RBM47: variants seen among roughly 807,000 people sequenced by gnomAD.
RBM47 encodes RNA binding motif protein 47.
Under a neutral mutation model 47.1 loss-of-function variants are expected in RBM47, and 21 were observed. That is an observed-to-expected ratio of 0.45 (90% confidence interval 0.32 to 0.64). The LOEUF is 0.64. RBM47 is among the 30% of genes least tolerant of loss of function. The probability of loss-of-function intolerance (pLI) is 0.05; values close to 1 mark genes in which losing one functional copy is unlikely to be tolerated. For missense variants in RBM47, 708 were observed against 870.9 expected (o/e 0.81, Z 2.35); for synonymous variants, 375 against 361.7 (o/e 1.04, Z -0.42).
chr4:40,439,510 G>T (rs1713297836), intron 3 of RBM47, among the ~76,000 whole-genome samples: 2 of 152,138 alleles, frequency 1.3e-5, no homozygotes, highest in South Asian at 4.1e-4. Flanking sequence ...CTTGGTCCAG[G>T]AACTGTAATA....
intron 2 of RBM47, among the ~76,000 whole-genome samples, chr4:40,491,142 C>T (rs1326992223): frequency 2.0e-5 from 3 of 151,978 alleles, no homozygotes; most frequent in Non-Finnish European, 2.9e-5. Flanking sequence ...ACAATAGATT[C>T]GAAATGAGAG....
intron 1 of RBM47, among the ~76,000 whole-genome samples, chr4:40,597,607 T>C (rs1306197713): frequency 6.6e-6 from 1 of 152,220 alleles, no homozygotes; most frequent in East Asian, 1.9e-4. Context: ...TAAATATTTA[T>C]ATATTCATAT....
chr4:40,503,029 T>C (rs1364698268), intron 2 of RBM47, among the ~76,000 whole-genome samples: 1 of 150,448 alleles, frequency 6.6e-6, no homozygotes, highest in Non-Finnish European at 1.5e-5. Flanking sequence ...AACAGTTGAA[T>C]TTGTTAAGCC....
chr4:40,579,769 A>C (rs1732706505), intron 1 of RBM47, among the ~76,000 whole-genome samples: 1 of 148,772 alleles, frequency 6.7e-6, no homozygotes, highest in Non-Finnish European at 1.5e-5. Flanking sequence ...TTTTTTTGAG[A>C]CTAGGTCTCA....
At chr4:40,536,542 C>G (rs1727998833) in intron 2 of RBM47, among the ~76,000 whole-genome samples, 1 of 152,198 alleles carries the variant, frequency 6.6e-6, no homozygotes, top group Non-Finnish European at 1.5e-5. Context: ...GACACATACA[C>G]TTTGTTGATG....
intron 2 of RBM47, among the ~76,000 whole-genome samples, chr4:40,521,329 T>C (rs1288157387): frequency 6.6e-6 from 1 of 152,064 alleles, no homozygotes; most frequent in Non-Finnish European, 1.5e-5. Context: ...GCCTCCCAAG[T>C]AGCTGGGATT....
chr4:40,623,789 G>A (rs1737481375), intron 1 of RBM47, among the ~76,000 whole-genome samples: 1 of 151,970 alleles, frequency 6.6e-6, no homozygotes, highest in African/African-American at 2.4e-5. Context: ...TTGCTTATTG[G>A]CAACTCTCAG....
At position 40,426,150 on chromosome 4, in the gene RBM47, A is replaced by G; in HGVS notation, c.1543-7T>C. 1 of 1,612,406 alleles carries G rather than the reference A, an allele frequency of 6.2e-7. No individual in the cohort carries two copies. The highest frequency in any genetic ancestry group is 8.5e-7 in the Non-Finnish European group (1 of 1,178,924). ...CTGGAGTTATTGGGCGGCCCTGAGG[A>G]GAAGAGACAAAAAGGAGCCTTCCTG... On this transcript the variant is annotated splice_region_variant and splice_polypyrimidine_tract_variant and intron_variant, in intron 6 of 6. Coordinates refer to ENST00000295971, the MANE Select transcript of RBM47 (RefSeq NM_001098634.2).
At chr4:40,445,101 C>T (rs1310995381) in intron 3 of RBM47, among the ~76,000 whole-genome samples, 1 of 151,854 alleles carries the variant, frequency 6.6e-6, no homozygotes, top group African/African-American at 2.4e-5. Flanking sequence ...GGTGAAACCC[C>T]ATCTCTACTA....
At chr4:40,539,160 T>C (rs922148069) in intron 2 of RBM47, among the ~76,000 whole-genome samples, 3 of 151,988 alleles carry the variant, frequency 2.0e-5, no homozygotes, top group African/African-American at 7.2e-5. Context: ...TAATGTGTAA[T>C]GGAAAAAAAA....
intron 1 of RBM47, among the ~76,000 whole-genome samples, chr4:40,581,308 G>T (rs939213952): frequency 6.6e-6 from 1 of 151,916 alleles, no homozygotes; most frequent in African/African-American, 2.4e-5. Flanking sequence ...TGTAGTCCCA[G>T]CTACTCGAGA....
At chr4:40,439,014 A>G in intron 3 of RBM47, 90 bp from the exon 4 acceptor site, 1 of 1,135,182 alleles carries the variant, frequency 8.8e-7, no homozygotes, top group South Asian at 1.6e-5. Context: ...ATGCATTAAT[A>G]GGCCACGGGG....
chr4:40,546,118 T>C (rs1729017116), intron 1 of RBM47, among the ~76,000 whole-genome samples: 1 of 152,168 alleles, frequency 6.6e-6, no homozygotes, highest in Admixed American at 6.6e-5. Flanking sequence ...ACAAATAATA[T>C]TCTCTAACAA....
chr4:40,630,282 C>T (rs533219325), upstream of RBM47: 1 of 152,450 alleles, frequency 6.6e-6, no homozygotes, highest in Non-Finnish European at 1.5e-5. Context: ...CGGGCTGCTC[C>T]GAGAAACCCA....
intron 3 of RBM47, among the ~76,000 whole-genome samples, chr4:40,456,122 T>C (rs77391109): frequency 0.024 from 3,704 of 152,354 alleles, 148 homozygotes; most frequent in African/African-American, 0.084. Flanking sequence ...GTAAGTATTA[T>C]GTTCTTTTTA....
chr4:40,587,373 G>A (rs925061949), intron 1 of RBM47, among the ~76,000 whole-genome samples: 2 of 152,134 alleles, frequency 1.3e-5, no homozygotes, highest in African/African-American at 4.8e-5. Flanking sequence ...GAAGAGACCA[G>A]AAGGCCCTGA....
intron 1 of RBM47, among the ~76,000 whole-genome samples, chr4:40,595,453 C>G (rs1312966583): frequency 6.6e-6 from 1 of 151,810 alleles, no homozygotes; most frequent in Non-Finnish European, 1.5e-5. Context: ...GAGATTGCAC[C>G]ACTGCATTCC....
In RBM47 at chr4:40,479,975, A is replaced by ATTT. The variant is rs71647000; in HGVS notation, c.-154-13279_-154-13277dup. Among the ~76,000 whole-genome samples, 557 of 117,258 alleles carry ATTT rather than the reference A, an allele frequency of 4.8e-3. 16 individuals are homozygous for ATTT. Among genetic ancestry groups the ATTT allele is most frequent in the South Asian group, 0.011 (39 of 3,562 alleles). 76.9% of individuals were successfully genotyped at this position (117,258 alleles called of 152,430 possible). A position where few individuals can be genotyped will look rare whatever the true frequency, so the allele number is the denominator to read the frequency against. On this transcript the variant is annotated intron_variant, in intron 2 of 6. Coordinates refer to ENST00000295971, the MANE Select transcript of RBM47 (RefSeq NM_001098634.2). ...TGAGGCAGGTACTAGTATCATCTCCATTTTTTTTTTTTTTTTTTTGAGACG... is the reference window on the plus strand; with the variant it reads ...TGAGGCAGGTACTAGTATCATCTCCATTTTTTTTTTTTTTTTTTTTTTGAGACG...
intron 2 of RBM47, among the ~76,000 whole-genome samples, chr4:40,519,903 C>T (rs545470318): frequency 2.2e-4 from 34 of 152,076 alleles, no homozygotes; most frequent in African/African-American, 7.0e-4. Context: ...CTCTTGACTT[C>T]ATGATCCACC....
Sources: gnomAD v4.1 joint callset for allele counts (sites outside exome capture counted in the v4.1 genomes callset) on GRCh38, gnomAD v4.1.1 for gene constraint, MANE v1.5 for transcripts, NCBI Gene and HGNC (gene_info 2026-07-23, HGNC 2026-07-21) for gene names.